PPP2R3C: variants seen among roughly 807,000 people sequenced by gnomAD.
PPP2R3C encodes serine/threonine-protein phosphatase 2A regulatory subunit B'' subunit gamma.
In PPP2R3C, 47 loss-of-function variants were observed where a neutral mutation model predicts 63.7. The observed-to-expected ratio is 0.74, with a 90% CI of 0.58 to 0.94. The LOEUF (loss-of-function observed/expected upper bound fraction) is 0.94, where lower values mean the gene tolerates loss of function less well. PPP2R3C is among the 40% of genes least tolerant of loss of function. The pLI is 0.00. For synonymous variants in PPP2R3C, 180 were observed against 177.4 expected, an observed-to-expected ratio of 1.01 and a Z score of -0.12; for missense variants, 421 against 518.4, an observed-to-expected ratio of 0.81 and a Z score of 1.82.
At chr14:35,110,716 C>G (rs111631627) in intron 2 of PPP2R3C, 87 bp from the exon 3 acceptor site, 7 of 800,236 alleles carry the variant, frequency 8.7e-6, no homozygotes, top group African/African-American at 8.7e-5. Flanking sequence ...TAACTGTATG[C>G]CACCGCCTCG....
At chr14:35,120,817 G>T (rs1186554045) in intron 1 of PPP2R3C, among the ~76,000 whole-genome samples, 1 of 152,070 alleles carries the variant, frequency 6.6e-6, no homozygotes, top group African/African-American at 2.4e-5. Flanking sequence ...GTGGTGGCGT[G>T]TGCCTGTACT....
intron 1 of PPP2R3C, among the ~76,000 whole-genome samples, chr14:35,121,347 A>AG (rs1254551192): frequency 6.6e-6 from 1 of 152,042 alleles, no homozygotes; most frequent in Non-Finnish European, 1.5e-5. Context: ...ACTGCACTCC[A>AG]GCCAGCCTGG....
At chr14:35,090,288 C>T (rs2045762263) in intron 11 of PPP2R3C, among the ~76,000 whole-genome samples, 1 of 135,830 alleles carries the variant, frequency 7.4e-6, no homozygotes, top group Admixed American at 8.3e-5. Context: ...GCTGCCCAAG[C>T]TAGAATGCAG....
At chr14:35,121,001 T>C (rs1043246154) in intron 1 of PPP2R3C, among the ~76,000 whole-genome samples, 1 of 151,190 alleles carries the variant, frequency 6.6e-6, no homozygotes, top group African/African-American at 2.4e-5. Context: ...GAGATGAAAA[T>C]TGAATGTAGG....
At chr14:35,095,729 A>C (rs1376460229) in intron 9 of PPP2R3C, among the ~76,000 whole-genome samples, 1 of 151,614 alleles carries the variant, frequency 6.6e-6, no homozygotes, top group Non-Finnish European at 1.5e-5. Context: ...GAGCGCCTGT[A>C]ATCCCAGGTA....
intron 11 of PPP2R3C, among the ~76,000 whole-genome samples, chr14:35,089,303 A>G (rs1177420988): frequency 1.3e-5 from 2 of 151,810 alleles, no homozygotes; most frequent in African/African-American, 2.4e-5. Context: ...GAGTCTCCCT[A>G]TGTTGCCCAG....
intron 7 of PPP2R3C, among the ~76,000 whole-genome samples, chr14:35,098,416 G>C (rs1053273536): frequency 4.2e-5 from 6 of 142,192 alleles, no homozygotes; most frequent in African/African-American, 7.8e-5. Context: ...GCAATAACGC[G>C]ATCTCGGCTC....
rs2046006775 is a variant in PPP2R3C, at chr14:35,096,638, T to C, written c.763-5A>G. ...GGACAGTTCCTCATCCCTTAGCTAATGGAACACAAAGACATAATTAGAAGA... is the reference window on the plus strand; with the variant it reads ...GGACAGTTCCTCATCCCTTAGCTAACGGAACACAAAGACATAATTAGAAGA... On this transcript the variant is annotated splice_polypyrimidine_tract_variant and splice_region_variant and intron_variant, in intron 8 of 12. Coordinates refer to ENST00000261475, the MANE Select transcript of PPP2R3C (RefSeq NM_017917.4). The C allele has an allele frequency of 6.2e-7, 1 of 1,612,840 alleles. No homozygotes were observed. Among genetic ancestry groups the C allele is most frequent in the African/African-American group, 1.3e-5 (1 of 74,852 alleles).
At position 35,121,971 on chromosome 14, in the gene PPP2R3C, G is replaced by A. The variant is rs751129221; in HGVS notation, c.-12C>T. 1 of 1,614,126 alleles carries A rather than the reference G, an allele frequency of 6.2e-7. No individual in the cohort carries two copies. The highest frequency in any genetic ancestry group is 8.5e-7 in the Non-Finnish European group (1 of 1,180,008). ...TCTTTCCAGTCCATGGCCGACTTCC[G>A]CGCAGCAGCTTCTGCATTTGCTGTT... is the stretch of plus-strand genomic sequence containing the variant. On this transcript the variant is annotated 5_prime_UTR_variant, in exon 1 of 13. Transcript: ENST00000261475.
chr14:35,115,835 T>G (rs559767575), intron 2 of PPP2R3C, among the ~76,000 whole-genome samples: 2 of 152,268 alleles, frequency 1.3e-5, no homozygotes, highest in East Asian at 3.9e-4. Flanking sequence ...TTGGTCAGGC[T>G]GGTCTCGAAC....
At chr14:35,114,932 C>T (rs760638510) in intron 2 of PPP2R3C, among the ~76,000 whole-genome samples, 5 of 151,728 alleles carry the variant, frequency 3.3e-5, no homozygotes, top group African/African-American at 4.8e-5. Flanking sequence ...AGGCAGAGGT[C>T]GCAGTGAGCT....
chr14:35,088,162 C>A (rs997654357), intron 11 of PPP2R3C, 152 bp from the exon 12 acceptor site: 1 of 673,312 alleles, frequency 1.5e-6, no homozygotes, highest in Non-Finnish European at 2.7e-6. Context: ...CTTTCTTGAC[C>A]TTATTCCACA....
In PPP2R3C at chr14:35,091,150, C is replaced by T. The variant is rs2045803036; in HGVS notation, c.1033G>A (p.Ala345Thr). Residue 345 changes from alanine to threonine, a missense_variant, in exon 11 of 13, where the codon GCT becomes ACT. By Grantham distance (58) the Ala-to-Thr change is moderately conservative. Around this residue, in one of 3 missense-constraint regions of PPP2R3C, gnomAD observed 231 missense variants for 264.8 expected, o/e 0.87. Transcript: ENST00000261475. ...LALENRKEPA[A>T]LQYIFKLLDI... ...AGCAGTTTGAAAATATATTGTAGAG[C>T]TGCAGGTTCCTTTCTGTTTTCTAAT... 1 of 1,609,078 alleles carries T rather than the reference C, an allele frequency of 6.2e-7. No individual in the cohort carries two copies. The highest frequency in any genetic ancestry group is 8.5e-7 in the Non-Finnish European group (1 of 1,176,690).
At chr14:35,106,967 T>C (rs2046384219) in intron 6 of PPP2R3C, among the ~76,000 whole-genome samples, 1 of 152,162 alleles carries the variant, frequency 6.6e-6, no homozygotes, top group South Asian at 2.1e-4. Context: ...ACACCCAGCA[T>C]AAATTCTCTC....
intron 6 of PPP2R3C, among the ~76,000 whole-genome samples, chr14:35,104,423 C>T (rs2046285504): frequency 6.6e-6 from 1 of 152,106 alleles, no homozygotes; most frequent in Non-Finnish European, 1.5e-5. Context: ...TTCTTTAACC[C>T]TTATATCTGA....
intron 6 of PPP2R3C, among the ~76,000 whole-genome samples, chr14:35,102,949 G>A (rs1438934543): frequency 1.3e-5 from 2 of 151,986 alleles, no homozygotes; most frequent in African/African-American, 2.4e-5. Flanking sequence ...TAGTGGAGAC[G>A]GGGTTTCGTC....
chr14:35,088,179 A>G lies in PPP2R3C; in HGVS notation c.1114-169T>C, dbSNP rs867413023. The G allele has an allele frequency of 1.6e-5, 10 of 622,860 alleles. No individual in the cohort carries two copies. In the Middle Eastern group the frequency reaches 2.6e-3, roughly 159 times the overall value. 38.6% of individuals were successfully genotyped at this position (622,860 alleles called of 1,614,324 possible). On this transcript the variant is annotated intron_variant, in intron 11 of 12. Coordinates refer to ENST00000261475, the MANE Select transcript of PPP2R3C (RefSeq NM_017917.4). ...TTCTTGACCTTATTCCACATCAGTGAGCAAAACCTAAATTCTCGATTAGTG... is the reference window on the plus strand; with the variant it reads ...TTCTTGACCTTATTCCACATCAGTGGGCAAAACCTAAATTCTCGATTAGTG...
chr14:35,109,866 A>G lies in PPP2R3C; in HGVS notation c.357T>C (p.Asn119=), dbSNP rs776429039. Reference sequence around the variant, plus strand: ...CACCAACCTTCAAAAAGTTTTCGTAATTGATCATCGCTTCCTCTCCAATCA... The same window carrying G: ...CACCAACCTTCAAAAAGTTTTCGTAGTTGATCATCGCTTCCTCTCCAATCA... ...PPMIGEEAMI[N]YENFLKVGEK... The change falls in exon 4 of 13, where the codon AAT becomes AAC. Residue 119 remains asparagine (N), a synonymous_variant. Transcript: ENST00000261475. 9.9e-6 allele frequency: 16 copies of G among 1,611,966 alleles called. No individual in the cohort carries two copies. Among genetic ancestry groups the G allele is most frequent in the Non-Finnish European group, 1.1e-5 (13 of 1,178,324 alleles).
At chr14:35,093,006 C>G (rs1378878617) in intron 10 of PPP2R3C, among the ~76,000 whole-genome samples, 1 of 151,854 alleles carries the variant, frequency 6.6e-6, no homozygotes, top group East Asian at 1.9e-4. Flanking sequence ...GTCAAGAGAT[C>G]GAGACCATAC....
Sources: gnomAD v4.1 joint callset for allele counts (sites outside exome capture counted in the v4.1 genomes callset) on GRCh38, gnomAD v4.1.1 for gene constraint, gnomAD v4.1.1 regional missense constraint, MANE v1.5 for transcripts, NCBI Gene and HGNC (gene_info 2026-07-23, HGNC 2026-07-21) for gene names.